DOP1B: variants seen among roughly 807,000 people sequenced by gnomAD.
DOP1B encodes the protein protein DOP1B.
In DOP1B, 174 loss-of-function variants were observed where a neutral mutation model predicts 233.5. The observed-to-expected ratio is 0.75, with a 90% CI of 0.66 to 0.85. The LOEUF (loss-of-function observed/expected upper bound fraction) is 0.85. Among genes scored for constraint, DOP1B ranks in the 40% least tolerant of loss-of-function variants. The probability of loss-of-function intolerance (pLI) is 0.00; values close to 1 mark genes in which losing one functional copy is unlikely to be tolerated. For missense variants in DOP1B, 2,652 were observed against 2,846.6 expected (o/e 0.93, Z 1.56); for synonymous variants, 1,190 against 1,185.6 (o/e 1.00, Z -0.08).
intron 4 of DOP1B, among the ~76,000 whole-genome samples, chr21:36,200,854 G>C (rs1037415307): frequency 6.7e-6 from 1 of 149,638 alleles, no homozygotes; most frequent in South Asian, 2.1e-4. Flanking sequence ...AAAAAAAAAA[G>C]ACACGGGGAA....
intron 23 of DOP1B, among the ~76,000 whole-genome samples, chr21:36,258,818 A>G (rs905482249): frequency 6.6e-6 from 1 of 152,202 alleles, no homozygotes; most frequent in African/African-American, 2.4e-5. Flanking sequence ...CTAAAAAATA[A>G]CAGCACTGCG....
At position 36,245,515 on chromosome 21, in the gene DOP1B, G is replaced by A; in HGVS notation, c.3535G>A (p.Val1179Met). ...SFKAGAKLSL[V>M]RVDSDKTQAS... ...CAAGGCTGGGGCCAAGTTAAGCCTGGTGCGGGTGGACTCGGACAAGACGCA... is the reference window on the plus strand; with the variant it reads ...CAAGGCTGGGGCCAAGTTAAGCCTGATGCGGGTGGACTCGGACAAGACGCA... Residue 1179 changes from valine (V) to methionine (M), a missense_variant, in exon 19 of 37, where the codon GTG becomes ATG. By Grantham distance (21) the Val-to-Met change is conservative. Transcript: ENST00000691173. The surrounding 1 kb of genome is among the most constrained non-coding windows in gnomAD (Gnocchi z 5.5). The A allele has an allele frequency of 1.2e-6, 2 of 1,613,562 alleles. No homozygotes were observed. Among genetic ancestry groups the A allele is most frequent in the East Asian group, 2.2e-5 (1 of 44,886 alleles).
intron 16 of DOP1B, 87 bp from the exon 17 acceptor site, chr21:36,238,514 C>G (rs1394265630): frequency 1.8e-6 from 2 of 1,103,404 alleles, no homozygotes; most frequent in African/African-American, 3.1e-5. Flanking sequence ...AGTCTTTGAT[C>G]TATTGTTTAA....
In DOP1B at chr21:36,286,365, T is replaced by C. The variant is rs184115870; in HGVS notation, c.6161-1649T>C. On this transcript the variant is annotated intron_variant, in intron 32 of 36. Coordinates refer to ENST00000691173, the MANE Select transcript of DOP1B (RefSeq NM_001320714.2). Reference sequence around the variant, plus strand: ...AAAGAAAGGTCAAAGACAGGCGCGGTGGCTCATGCCTGTAATCCCAGCACT... The same window carrying C: ...AAAGAAAGGTCAAAGACAGGCGCGGCGGCTCATGCCTGTAATCCCAGCACT... Among the ~76,000 whole-genome samples, 54 of 152,176 alleles carry C rather than the reference T, an allele frequency of 3.5e-4. 2 individuals carry two copies. Among genetic ancestry groups the C allele is most frequent in the Admixed American group, 3.0e-3 (46 of 15,272 alleles).
intron 12 of DOP1B, among the ~76,000 whole-genome samples, chr21:36,226,890 G>A (rs1330904065): frequency 1.3e-5 from 2 of 152,150 alleles, no homozygotes; most frequent in Admixed American, 6.6e-5. Flanking sequence ...GAGCCACTAC[G>A]CCTAGTCTTC....
intron 2 of DOP1B, among the ~76,000 whole-genome samples, chr21:36,184,555 C>T (rs901382483): frequency 3.9e-5 from 6 of 152,194 alleles, no homozygotes; most frequent in African/African-American, 9.7e-5. Flanking sequence ...CTCCTGCTTC[C>T]GTGCAGGTAG....
intron 1 of DOP1B, among the ~76,000 whole-genome samples, chr21:36,157,336 C>G (rs988795329): frequency 9.2e-5 from 14 of 152,318 alleles, no homozygotes; most frequent in Middle Eastern, 3.4e-3. Context: ...GACGCTCAGC[C>G]TTTGTTTGCT....
intron 2 of DOP1B, among the ~76,000 whole-genome samples, chr21:36,185,742 C>A (rs898142564): frequency 1.3e-5 from 2 of 152,134 alleles, no homozygotes; most frequent in African/African-American, 4.8e-5. Context: ...TAAACTTCCT[C>A]TATGGGAAGA....
At position 36,226,284 on chromosome 21, in the gene DOP1B, G is replaced by GTC. The variant is rs199497602; in HGVS notation, c.1473+629_1473+630dup. Among the ~76,000 whole-genome samples the GTC allele has an allele frequency of 4.9e-3, 728 of 148,022 alleles. 5 individuals carry two copies. The highest frequency in any genetic ancestry group is 0.017 in the African/African-American group (650 of 38,660). On this transcript the variant is annotated intron_variant, in intron 12 of 36. Coordinates refer to ENST00000691173, the MANE Select transcript of DOP1B (RefSeq NM_001320714.2). ...ATAGAAATGTTCTTTTCTTTTCTCT[G>GTC]TCTCTCTCTCTCTTTTTTTTTTTTT...
At chr21:36,292,007 A>G in intron 35 of DOP1B, 97 bp from the exon 36 acceptor site, 1 of 1,366,164 alleles carries the variant, frequency 7.3e-7, no homozygotes, top group Non-Finnish European at 9.9e-7. Flanking sequence ...TCCATATTAA[A>G]TAGATACAGT....
At chr21:36,207,499 G>GTTTTTTTTTTT (rs1164791099) in intron 4 of DOP1B, among the ~76,000 whole-genome samples, 1 of 89,626 alleles carries the variant, frequency 1.1e-5, no homozygotes, top group Non-Finnish European at 2.2e-5. Flanking sequence ...AGTTTTTTTT[G>GTTTTTTTTTTT]TTTTTTTTTT....
rs144600051 is a variant in DOP1B at position 36,245,519 on chromosome 21, G to A, written c.3539G>A (p.Arg1180Gln). The change falls in exon 19 of 37, where the codon CGG (arginine) becomes CAG (glutamine). Residue 1180 changes from arginine (R) to glutamine (Q), a missense_variant. Transcript: ENST00000691173. This position sits in a 1 kb window ranked among gnomAD's most constrained non-coding sequence, Gnocchi z 5.5. ...FKAGAKLSLV[R>Q]VDSDKTQASE... ...GCTGGGGCCAAGTTAAGCCTGGTGC[G>A]GGTGGACTCGGACAAGACGCAGGCT... 36 of 1,613,374 alleles carry A rather than the reference G, an allele frequency of 2.2e-5. No individual in the cohort carries two copies. The highest frequency in any genetic ancestry group is 2.9e-5 in the Non-Finnish European group (34 of 1,180,038).
intron 1 of DOP1B, among the ~76,000 whole-genome samples, chr21:36,158,009 G>T (rs370930977): frequency 9.9e-4 from 151 of 152,042 alleles, no homozygotes; most frequent in African/African-American, 3.6e-3. Flanking sequence ...ATGTTGCCCA[G>T]TCTGGTCTCA....
At chr21:36,221,601 G>A (rs972965000) in intron 10 of DOP1B, among the ~76,000 whole-genome samples, 3 of 152,092 alleles carry the variant, frequency 2.0e-5, no homozygotes, top group Admixed American at 2.0e-4. Flanking sequence ...TTTTGAGACA[G>A]AGTCTTGCTC....
rs146962277 is a variant in DOP1B, at chr21:36,225,483, G to A, written c.1371-82G>A. The A allele has an allele frequency of 3.3e-5, 49 of 1,483,726 alleles. No individual in the cohort carries two copies. In the East Asian group the frequency reaches 4.4e-4, roughly 13 times the overall value. 91.9% of individuals were successfully genotyped at this position (1,483,726 alleles called of 1,614,324 possible). A position where few individuals can be genotyped will look rare whatever the true frequency, so the allele number is the denominator to read the frequency against. On this transcript the variant is annotated intron_variant, in intron 11 of 36. Transcript: ENST00000691173. ...TGAGCTCAGACAGTCCACCCATCTC[G>A]GCCTCCCAAAGTGTTAAGATTATAG...
intron 4 of DOP1B, among the ~76,000 whole-genome samples, chr21:36,204,658 A>ATTTTCTTTT (rs2066407622): frequency 8.7e-6 from 1 of 115,212 alleles, no homozygotes; most frequent in Non-Finnish European, 1.7e-5. Context: ...TGACATTTCT[A>ATTTTCTTTT]TTTTTTTTTT....
intron 2 of DOP1B, among the ~76,000 whole-genome samples, chr21:36,190,009 C>CAAAA (rs541833307): frequency 1.0e-4 from 11 of 105,844 alleles, no homozygotes; most frequent in African/African-American, 2.9e-4. Context: ...TACTCCGTCT[C>CAAAA]AAAAAAAAAA....
At position 36,277,060 on chromosome 21, in the gene DOP1B, C is replaced by T. The variant is rs1166219807; in HGVS notation, c.5672C>T (p.Pro1891Leu). The T allele has an allele frequency of 2.5e-6, 4 of 1,614,114 alleles. No homozygotes were observed. The highest frequency in any genetic ancestry group is 1.7e-5 in the Admixed American group (1 of 60,004). Reference sequence around the variant, plus strand: ...TCAGCAATGGTGTCTTCATCCGCCCCGTCGGTGTACAGCGTGCAAGCCCTC... The same window carrying T: ...TCAGCAATGGTGTCTTCATCCGCCCTGTCGGTGTACAGCGTGCAAGCCCTC... Reference protein sequence around the residue: ...AASAMVSSSAPSVYSVQALSL... With the variant: ...AASAMVSSSALSVYSVQALSL... Residue 1891 changes from proline (P) to leucine (L), a missense_variant, in exon 28 of 37, where the codon CCG becomes CTG. Pro to Leu is a moderately conservative substitution (Grantham distance 98). Coordinates refer to ENST00000691173, the MANE Select transcript of DOP1B (RefSeq NM_001320714.2).
rs1409925494 is a variant in DOP1B, at chr21:36,294,156, A to G, written c.*585A>G. The G allele has an allele frequency of 6.5e-6, 1 of 153,076 alleles. No homozygotes were observed. The highest frequency in any genetic ancestry group is 2.1e-4 in the South Asian group (1 of 4,850). 9.5% of individuals were successfully genotyped at this position (153,076 alleles called of 1,614,324 possible). A position where few individuals can be genotyped will look rare whatever the true frequency, so the allele number is the denominator to read the frequency against. ...CAAAATTTGTAATATGAAGTAAAGT[A>G]TGAAGATAATGAAGAAGTTGTTTTC... On this transcript the variant is annotated 3_prime_UTR_variant, in exon 37 of 37. Coordinates refer to ENST00000691173, the MANE Select transcript of DOP1B (RefSeq NM_001320714.2).
Sources: gnomAD v4.1 joint callset for allele counts (sites outside exome capture counted in the v4.1 genomes callset) on GRCh38, gnomAD v4.1.1 for gene constraint, Gnocchi (gnomAD v3.1) non-coding constraint, MANE v1.5 for transcripts, NCBI Gene and HGNC (gene_info 2026-07-23, HGNC 2026-07-21) for gene names.